Variants in OPCML observed in about 807,000 individuals in gnomAD.
The protein encoded by OPCML is opioid binding protein/cell adhesion molecule like.
In OPCML, 13 loss-of-function variants were observed where a neutral mutation model predicts 37.8. That is an observed-to-expected ratio of 0.34 (90% CI 0.22 to 0.55). The LOEUF (loss-of-function observed/expected upper bound fraction) is 0.55, where lower values mean the gene tolerates loss of function less well. Ranked by LOEUF, OPCML falls within the 20% of genes least tolerant of loss-of-function variation. The probability of loss-of-function intolerance (pLI) is 0.91; values close to 1 mark genes in which losing one functional copy is unlikely to be tolerated. For missense variants in OPCML, 341 were observed against 435.6 expected (o/e 0.78, Z 1.93); for synonymous variants, 176 against 168.8 (o/e 1.04, Z -0.33).
At chr11:133,015,296 G>T (rs948312813) in intron 1 of OPCML, among the ~76,000 whole-genome samples, 18 of 144,652 alleles carry the variant, frequency 1.2e-4, no homozygotes, top group African/African-American at 4.5e-4. Context: ...GTGTTAGAAA[G>T]TATGCGTTGT....
intron 2 of OPCML, among the ~76,000 whole-genome samples, chr11:132,743,212 T>C (rs1044431369): frequency 1.3e-5 from 2 of 152,190 alleles, no homozygotes; most frequent in African/African-American, 4.8e-5. Context: ...CCTTTCTCCC[T>C]GCTTGATAAT....
intron 1 of OPCML, among the ~76,000 whole-genome samples, chr11:133,072,113 C>T (rs768471341): frequency 2.6e-5 from 4 of 152,118 alleles, no homozygotes; most frequent in Middle Eastern, 3.2e-3. Context: ...AAACCACCTG[C>T]TGGAGGGTGG....
chr11:133,406,850 G>A (rs1945537716), intron 1 of OPCML, among the ~76,000 whole-genome samples: 1 of 152,336 alleles, frequency 6.6e-6, no homozygotes, highest in Admixed American at 6.5e-5. Context: ...ACACGCTTAA[G>A]TGATTTTTTG....
intron 1 of OPCML, among the ~76,000 whole-genome samples, chr11:133,106,062 A>T (rs939225898): frequency 1.3e-5 from 2 of 152,194 alleles, no homozygotes; most frequent in Non-Finnish European, 2.9e-5. Context: ...AAATAACATA[A>T]TATTTTATCT....
intron 2 of OPCML, among the ~76,000 whole-genome samples, chr11:132,788,023 GGC>G (rs1328648320): frequency 3.9e-5 from 6 of 152,098 alleles, no homozygotes; most frequent in African/African-American, 1.4e-4. Context: ...TGGGACTACA[GGC>G]GCACGCCACC....
At chr11:132,671,088 A>G (rs1469914935) in intron 2 of OPCML, among the ~76,000 whole-genome samples, 2 of 152,184 alleles carry the variant, frequency 1.3e-5, no homozygotes, top group African/African-American at 2.4e-5. Flanking sequence ...CATCTGAACA[A>G]AACCTTATTT....
intron 1 of OPCML, among the ~76,000 whole-genome samples, chr11:133,096,848 A>G (rs904341589): frequency 2.6e-5 from 4 of 152,100 alleles, no homozygotes; most frequent in South Asian, 4.1e-4. Context: ...CGACACAGCA[A>G]TCTTTACTGT....
intron 3 of OPCML, among the ~76,000 whole-genome samples, chr11:132,585,212 A>T (rs1253831914): frequency 6.6e-6 from 1 of 152,128 alleles, no homozygotes; most frequent in African/African-American, 2.4e-5. Context: ...TCATTCGTGA[A>T]TGGACTATTT....
intron 4 of OPCML, among the ~76,000 whole-genome samples, chr11:132,515,998 C>T (rs1362316677): frequency 6.6e-6 from 1 of 152,066 alleles, no homozygotes; most frequent in Non-Finnish European, 1.5e-5. Flanking sequence ...GGTAAGTCAT[C>T]CCAACTCTTG....
At chr11:133,222,636 G>A (rs1393843708) in intron 1 of OPCML, among the ~76,000 whole-genome samples, 1 of 152,214 alleles carries the variant, frequency 6.6e-6, no homozygotes, top group African/African-American at 2.4e-5. Flanking sequence ...CTTGAACTCA[G>A]CCCGTCCAGC....
chr11:132,584,803 C>T (rs2096469036), intron 3 of OPCML, among the ~76,000 whole-genome samples: 1 of 152,106 alleles, frequency 6.6e-6, no homozygotes, highest in Admixed American at 6.5e-5. Flanking sequence ...ATTGGCAAGC[C>T]CTTAGAGCTG....
chr11:132,942,826 C>A (rs549679683), intron 2 of OPCML, 100 bp downstream of exon 2: 3 of 1,484,886 alleles, frequency 2.0e-6, no homozygotes, highest in East Asian at 2.3e-5. Context: ...AAGGCCCACT[C>A]GCGTTCCGGT....
At chr11:133,165,994 T>A (rs919668728) in intron 1 of OPCML, among the ~76,000 whole-genome samples, 1 of 152,216 alleles carries the variant, frequency 6.6e-6, no homozygotes. Context: ...TTGAAAGACT[T>A]AGCGAATGCC....
At chr11:132,457,273 C>A (rs1160734899) in intron 4 of OPCML, among the ~76,000 whole-genome samples, 1 of 152,182 alleles carries the variant, frequency 6.6e-6, no homozygotes, top group African/African-American at 2.4e-5. Context: ...GCCTTGAACA[C>A]AGTCGTAGGG....
chr11:133,333,234 T>A (rs1408838893), intron 1 of OPCML, among the ~76,000 whole-genome samples: 1 of 152,156 alleles, frequency 6.6e-6, no homozygotes, highest in African/African-American at 2.4e-5. Context: ...CATTTTTGTA[T>A]TTTTAGTAGA....
At chr11:132,904,946 C>T (rs11223273) in intron 2 of OPCML, among the ~76,000 whole-genome samples, 30,589 of 152,196 alleles carry the variant, frequency 0.2, 3,712 homozygotes, top group Non-Finnish European at 0.29. Context: ...TTCAGAGACC[C>T]CACAGAGTTG....
At chr11:132,451,916 C>T (rs762884716) in intron 4 of OPCML, among the ~76,000 whole-genome samples, 4 of 152,086 alleles carry the variant, frequency 2.6e-5, no homozygotes, top group Non-Finnish European at 5.9e-5. Flanking sequence ...CTCTGTATTA[C>T]CAGTTTTTCA....
At chr11:133,053,454 T>G (rs530156190) in intron 1 of OPCML, among the ~76,000 whole-genome samples, 1 of 152,358 alleles carries the variant, frequency 6.6e-6, no homozygotes, top group South Asian at 2.1e-4. Context: ...CTCTCTGATT[T>G]GCACTTTTTA....
intron 1 of OPCML, among the ~76,000 whole-genome samples, chr11:133,137,162 C>A (rs898197244): frequency 7.2e-5 from 11 of 152,094 alleles, no homozygotes; most frequent in African/African-American, 2.7e-4. Flanking sequence ...TTTTACAGAG[C>A]ATTTGGCTGA....
Sources: gnomAD v4.1 joint callset for allele counts (sites outside exome capture counted in the v4.1 genomes callset) on GRCh38, gnomAD v4.1.1 for gene constraint, MANE v1.5 for transcripts, NCBI Gene and HGNC (gene_info 2026-07-23, HGNC 2026-07-21) for gene names.